ELL2: variants seen among roughly 807,000 people sequenced by gnomAD.
The protein encoded by ELL2 is elongation factor for RNA polymerase II 2.
ELL2 carries 21 observed loss-of-function variants against 72.8 expected under a neutral mutation model. That is an observed-to-expected ratio of 0.29 (90% CI 0.20 to 0.42). ELL2 has a LOEUF of 0.42. Among genes scored for constraint, ELL2 ranks in the 10% least tolerant of loss-of-function variants. The pLI is 1.00. For synonymous variants in ELL2, 266 were observed against 283.2 expected (o/e 0.94, Z 0.61); for missense variants, 568 against 772.8 (o/e 0.73, Z 3.14).
At chr5:95,947,824 A>G (rs1395865394) in intron 1 of ELL2, among the ~76,000 whole-genome samples, 1 of 152,216 alleles carries the variant, frequency 6.6e-6, no homozygotes, top group African/African-American at 2.4e-5. Flanking sequence ...AATTTCCAAA[A>G]AAACTAAAGT....
At chr5:95,896,423 T>C (rs1392147635) in intron 8 of ELL2, among the ~76,000 whole-genome samples, 2 of 152,192 alleles carry the variant, frequency 1.3e-5, no homozygotes, top group East Asian at 3.9e-4. Context: ...TTTTTTATCA[T>C]TGAAAGTAGG....
intron 2 of ELL2, among the ~76,000 whole-genome samples, chr5:95,920,644 T>C (rs1750025454): frequency 6.6e-6 from 1 of 151,972 alleles, no homozygotes; most frequent in Non-Finnish European, 1.5e-5. Context: ...TGATATGTAG[T>C]AGGGGCTCAA....
At chr5:95,936,718 A>G (rs1277970898) in intron 2 of ELL2, among the ~76,000 whole-genome samples, 2 of 140,818 alleles carry the variant, frequency 1.4e-5, no homozygotes, top group African/African-American at 5.5e-5. Flanking sequence ...GCACTCCAAC[A>G]TAGGTGACAG....
In ELL2 at chr5:95,961,716, C is replaced by T. The variant is rs779809352; in HGVS notation, c.6G>A (p.Ala2=). Reference sequence around the variant, plus strand: ...CCCGCAGGCCCCCTGTCCCCCCCGCCGCCATCTTAAACTCCCCGGGGTGCC... The same window carrying T: ...CCCGCAGGCCCCCTGTCCCCCCCGCTGCCATCTTAAACTCCCCGGGGTGCC... M[A]AGGTGGLREE... The change falls in exon 1 of 12, where the codon GCG becomes GCA. Residue 2 remains alanine (A), a synonymous_variant. Coordinates refer to ENST00000237853, the MANE Select transcript of ELL2 (RefSeq NM_012081.6). The T allele has an allele frequency of 1.3e-5, 21 of 1,604,622 alleles. No individual in the cohort carries two copies. The highest frequency in any genetic ancestry group is 1.6e-5 in the Non-Finnish European group (19 of 1,176,954).
In ELL2 at chr5:95,948,228, GA is replaced by G. The variant is rs1189816455; in HGVS notation, c.148-5180del. Among the ~76,000 whole-genome samples, 6 of 152,142 alleles carry G rather than the reference GA, an allele frequency of 3.9e-5. No individual in the cohort carries two copies. In the East Asian group the frequency reaches 1.2e-3, roughly 29 times the overall value. The stretch of plus-strand genomic sequence containing the variant: ...GGGCGGATCAAGAGGTCAGGAGATA[GA>G]GACCATCCTGGCTAACATGGTGAAA... On this transcript the variant is annotated intron_variant, in intron 1 of 11. Transcript: ENST00000237853.
intron 2 of ELL2, among the ~76,000 whole-genome samples, chr5:95,939,702 T>C (rs1750901143): frequency 6.6e-6 from 1 of 152,224 alleles, no homozygotes; most frequent in African/African-American, 2.4e-5. Context: ...TTTAAAAATG[T>C]ACTGAAACAC....
At chr5:95,931,811 A>AT (rs1750610490) in intron 2 of ELL2, among the ~76,000 whole-genome samples, 1 of 149,894 alleles carries the variant, frequency 6.7e-6, no homozygotes, top group Non-Finnish European at 1.5e-5. Context: ...AAAAAAAAAA[A>AT]AAAAAAAAAA....
chr5:95,960,461 T>C (rs1751785829), intron 1 of ELL2, among the ~76,000 whole-genome samples: 1 of 151,984 alleles, frequency 6.6e-6, no homozygotes. Flanking sequence ...GGATTTGTAG[T>C]CCAATTACAG....
In ELL2 at chr5:95,886,216, T is replaced by C. The variant is rs1748459572; in HGVS notation, c.*2655A>G. On this transcript the variant is annotated 3_prime_UTR_variant, in exon 12 of 12. Coordinates refer to ENST00000237853, the MANE Select transcript of ELL2 (RefSeq NM_012081.6). ...AATCATTTGTAAGAATCTAAAAGTC[T>C]TGCAGTAGGGGACGAAAAATGATTA... 1 of 152,214 alleles carries C rather than the reference T, an allele frequency of 6.6e-6. No individual in the cohort carries two copies. The highest frequency in any genetic ancestry group is 1.5e-5 in the Non-Finnish European group (1 of 68,020). The allele number at this position is 152,214 out of a possible 1,614,324, so 9.4% of individuals were successfully genotyped here.
chr5:95,960,049 A>ACT (rs1751756608), intron 1 of ELL2, among the ~76,000 whole-genome samples: 1 of 148,896 alleles, frequency 6.7e-6, no homozygotes, highest in African/African-American at 2.4e-5. Flanking sequence ...TCTGCCTCAG[A>ACT]CTCTGCCTTC....
intron 1 of ELL2, among the ~76,000 whole-genome samples, chr5:95,949,468 T>C (rs1329090075): frequency 6.6e-6 from 1 of 152,130 alleles, no homozygotes. Flanking sequence ...AAAAATATTA[T>C]AGAGATCTTT....
intron 10 of ELL2, among the ~76,000 whole-genome samples, chr5:95,889,943 C>G (rs1748597887): frequency 6.6e-6 from 1 of 152,010 alleles, no homozygotes; most frequent in African/African-American, 2.4e-5. Context: ...TACCAAGTAC[C>G]AGGCATGGAT....
intron 2 of ELL2, among the ~76,000 whole-genome samples, chr5:95,922,642 A>G (rs141671834): frequency 1.3e-3 from 190 of 151,614 alleles, no homozygotes; most frequent in African/African-American, 4.4e-3. Context: ...AAGGTAAAAT[A>G]ATTATCTTTC....
In ELL2 at chr5:95,941,171, G is replaced by A. The variant is rs1750955234; in HGVS notation, c.195+1831C>T. On this transcript the variant is annotated intron_variant, in intron 2 of 11. Coordinates refer to ENST00000237853, the MANE Select transcript of ELL2 (RefSeq NM_012081.6). ...CCAAATCCAATCACCATTTGCTTGGGTTAAAAAGCTTATCTGTTAAAATTC... is the reference window on the plus strand; with the variant it reads ...CCAAATCCAATCACCATTTGCTTGGATTAAAAAGCTTATCTGTTAAAATTC... 1.3e-5 allele frequency among the ~76,000 whole-genome samples: 2 copies of A among 152,056 alleles called. 1 individual carries two copies. Among genetic ancestry groups the A allele is most frequent in the African/African-American group, 4.8e-5 (2 of 41,402 alleles).
rs1561504158 is a variant in ELL2 at position 95,927,398 on chromosome 5, CATACACACACGTGTGTATATAGACAT to C, written c.196-7879_196-7854del. Among the ~76,000 whole-genome samples the C allele has an allele frequency of 6.2e-4, 18 of 29,214 alleles. 1 individual carries two copies. Among genetic ancestry groups the C allele is most frequent in the Non-Finnish European group, 1.0e-3 (17 of 16,272 alleles). The allele number at this position is 29,214 out of a possible 152,430, so 19.2% of individuals were successfully genotyped here. On this transcript the variant is annotated intron_variant, in intron 2 of 11. Coordinates refer to ENST00000237853, the MANE Select transcript of ELL2 (RefSeq NM_012081.6). ...ACACACACACGTGTGTATATATAGA[CATACACACACGTGTGTATATAGACAT>C]ACACACACACGTGTGTATATAGACA... is the stretch of plus-strand genomic sequence containing the variant.
In ELL2 at chr5:95,898,385, T is replaced by G; in HGVS notation, c.1380A>C (p.Lys460Asn). 1.9e-6 allele frequency: 3 copies of G among 1,613,446 alleles called. No individual in the cohort carries two copies. The highest frequency in any genetic ancestry group is 1.7e-6 in the Non-Finnish European group (2 of 1,179,868). The change falls in exon 8 of 12, where the codon AAA becomes AAC. Residue 460 changes from lysine to asparagine, a missense_variant. Physicochemically the swap from Lys to Asn is moderately conservative, Grantham distance 94. This residue lies in a region of ELL2 where 511 missense variants were observed against 728.4 expected (regional missense o/e 0.70). Coordinates refer to ENST00000237853, the MANE Select transcript of ELL2 (RefSeq NM_012081.6). The part of the protein sequence containing the change: ...PMEENHSMSH[K>N]KSKKKSKKHK... The stretch of plus-strand genomic sequence containing the variant: ...GTTTTTTAGACTTCTTTTTGGACTT[T>G]TTGTGAGACATTGAATGGTTTTCTT...
intron 2 of ELL2, among the ~76,000 whole-genome samples, chr5:95,933,964 T>C (rs1019653125): frequency 6.6e-6 from 1 of 152,196 alleles, no homozygotes; most frequent in Non-Finnish European, 1.5e-5. Context: ...TTTTCCGTTA[T>C]AGCCAAATAC....
At chr5:95,920,751 G>A (rs1251280176) in intron 2 of ELL2, among the ~76,000 whole-genome samples, 1 of 151,998 alleles carries the variant, frequency 6.6e-6, no homozygotes. Context: ...GGTGTTAGGT[G>A]ATAATTAAAA....
At chr5:95,892,621 G>C (rs1156940779) in intron 9 of ELL2, among the ~76,000 whole-genome samples, 2 of 152,182 alleles carry the variant, frequency 1.3e-5, no homozygotes, top group Non-Finnish European at 2.9e-5. Context: ...GATTCAGGAT[G>C]CCCCTTGGGG....
Sources: allele counts gnomAD v4.1 joint callset (sites outside exome capture counted in the v4.1 genomes callset), GRCh38; gene constraint gnomAD v4.1.1; regional missense constraint gnomAD v4.1.1; transcripts MANE v1.5; gene names NCBI Gene and HGNC (gene_info 2026-07-23, HGNC 2026-07-21).